RGS20: variants seen among roughly 807,000 people sequenced by gnomAD.
RGS20 encodes regulator of G protein signaling 20.
A neutral mutation model predicts 33.6 loss-of-function variants in RGS20; 30 were observed. The observed-to-expected ratio is 0.89, with a 90% CI of 0.67 to 1.21. The LOEUF (loss-of-function observed/expected upper bound fraction) is 1.21. Ranked by LOEUF, RGS20 falls within the 50% of genes most tolerant of loss-of-function variation. The pLI is 0.00. For missense variants in RGS20, 472 were observed against 502.4 expected (o/e 0.94, Z 0.58); for synonymous variants, 208 against 197.9 (o/e 1.05, Z -0.43).
chr8:53,890,873 C>G (rs1261799337), intron 2 of RGS20, among the ~76,000 whole-genome samples: 1 of 152,116 alleles, frequency 6.6e-6, no homozygotes, highest in Non-Finnish European at 1.5e-5. Context: ...TAAGATTTAG[C>G]TAATGCCCAG....
intron 2 of RGS20, among the ~76,000 whole-genome samples, chr8:53,931,087 G>C (rs954916357): frequency 5.3e-5 from 8 of 152,136 alleles, no homozygotes; most frequent in Non-Finnish European, 1.2e-4. Context: ...GTGGCTGACC[G>C]TGTGTCTCTG....
chr8:53,885,906 T>C (rs1271926053), intron 2 of RGS20, among the ~76,000 whole-genome samples: 1 of 151,486 alleles, frequency 6.6e-6, no homozygotes, highest in Non-Finnish European at 1.5e-5. Context: ...GGACAGGGCA[T>C]TAAGAAGGGA....
chr8:53,913,330 C>T (rs1813399574), intron 2 of RGS20, among the ~76,000 whole-genome samples: 1 of 152,176 alleles, frequency 6.6e-6, no homozygotes, highest in Non-Finnish European at 1.5e-5. Flanking sequence ...AATGTCCAGT[C>T]ATCTAATGCA....
chr8:53,921,434 G>A (rs1323751723), intron 2 of RGS20, among the ~76,000 whole-genome samples: 1 of 150,444 alleles, frequency 6.6e-6, no homozygotes, highest in Non-Finnish European at 1.5e-5. Flanking sequence ...GAGCTGAGCT[G>A]AGCTTTTCTT....
At chr8:53,869,089 A>G (rs1055698320) in intron 1 of RGS20, among the ~76,000 whole-genome samples, 5 of 152,184 alleles carry the variant, frequency 3.3e-5, no homozygotes, top group Non-Finnish European at 7.3e-5. Flanking sequence ...GATCCCAGAA[A>G]AACATTCTAA....
At chr8:53,942,044 C>T (rs1814312776) in intron 3 of RGS20, among the ~76,000 whole-genome samples, 1 of 152,128 alleles carries the variant, frequency 6.6e-6, no homozygotes, top group African/African-American at 2.4e-5. Context: ...GAGGCCGAGG[C>T]CGGCAGATCA....
At chr8:53,953,453 C>G (rs769275661) in intron 4 of RGS20, among the ~76,000 whole-genome samples, 1 of 151,234 alleles carries the variant, frequency 6.6e-6, no homozygotes, top group Non-Finnish European at 1.5e-5. Context: ...CCTAGTAAGT[C>G]GAGGCTTCAG....
chr8:53,851,948 T>C lies in RGS20; in HGVS notation c.49T>C (p.Ser17Pro). Reference sequence around the variant, plus strand: ...CCAAGAGTGCCTCCAGAAACATTTCTCCAGGCCGTCTATATGGACACAGTT... The same window carrying C: ...CCAAGAGTGCCTCCAGAAACATTTCCCCAGGCCGTCTATATGGACACAGTT... Residue 17 changes from serine (S) to proline (P), a missense_variant, in exon 1 of 6, where the codon TCC becomes CCC. Physicochemically the swap from Ser to Pro is moderately conservative, Grantham distance 74. This residue lies in a region of RGS20 where 28 missense variants were observed against 49.6 expected (regional missense o/e 0.57). Coordinates refer to ENST00000297313, the MANE Select transcript of RGS20 (RefSeq NM_170587.4). 6.2e-7 allele frequency: 1 copy of C among 1,614,138 alleles called. No individual in the cohort carries two copies.
chr8:53,935,321 G>A (rs1293861250), intron 2 of RGS20, among the ~76,000 whole-genome samples: 2 of 152,020 alleles, frequency 1.3e-5, no homozygotes, highest in African/African-American at 4.8e-5. Context: ...CAAGGAGCTG[G>A]TTTTTGAAAA....
intron 4 of RGS20, among the ~76,000 whole-genome samples, chr8:53,948,479 ATATGC>A (rs1347677937): frequency 7.4e-6 from 1 of 135,208 alleles, no homozygotes; most frequent in Non-Finnish European, 1.5e-5. Context: ...ATATATTTAC[ATATGC>A]TATATATGAT....
chr8:53,897,295 G>A (rs1812892270), intron 2 of RGS20, among the ~76,000 whole-genome samples: 1 of 152,214 alleles, frequency 6.6e-6, no homozygotes, highest in South Asian at 2.1e-4. Flanking sequence ...GGGCTGCCCT[G>A]GCAGACTGGA....
At chr8:53,895,970 A>C (rs1812845120) in intron 2 of RGS20, among the ~76,000 whole-genome samples, 1 of 150,280 alleles carries the variant, frequency 6.7e-6, no homozygotes, top group Non-Finnish European at 1.5e-5. Context: ...ACATTTTTTA[A>C]TTGTTGGGAG....
At chr8:53,885,804 T>TTTC (rs1395167172) in intron 2 of RGS20, among the ~76,000 whole-genome samples, 1 of 151,004 alleles carries the variant, frequency 6.6e-6, no homozygotes, top group Admixed American at 6.6e-5. Flanking sequence ...TTTTTTTTTT[T>TTTC]TTTTTTTTGA....
chr8:53,945,887 C>CA (rs35273543), intron 3 of RGS20, among the ~76,000 whole-genome samples: 35,886 of 136,190 alleles, frequency 0.26, 4,405 homozygotes, highest in Non-Finnish European at 0.29. Flanking sequence ...ACTTGGTCTC[C>CA]AAAAAAAAAA....
intron 2 of RGS20, among the ~76,000 whole-genome samples, chr8:53,926,237 G>C (rs1288855637): frequency 6.6e-6 from 1 of 152,112 alleles, no homozygotes; most frequent in East Asian, 1.9e-4. Flanking sequence ...ATGGATTTGG[G>C]ATTTGAGTCT....
intron 1 of RGS20, among the ~76,000 whole-genome samples, chr8:53,860,965 TC>T (rs1811796852): frequency 6.7e-6 from 1 of 148,294 alleles, no homozygotes; most frequent in Non-Finnish European, 1.5e-5. Context: ...AGACCCTGTC[TC>T]CAAAAAAAAA....
At chr8:53,909,772 T>TGAACCATTTCTG (rs1374620116) in intron 2 of RGS20, among the ~76,000 whole-genome samples, 2 of 152,218 alleles carry the variant, frequency 1.3e-5, no homozygotes, top group African/African-American at 4.8e-5. Context: ...TGAATAATGA[T>TGAACCATTTCTG]GAACCATTTC....
intron 5 of RGS20, among the ~76,000 whole-genome samples, chr8:53,955,946 T>A (rs920609964): frequency 2.0e-5 from 3 of 152,166 alleles, no homozygotes; most frequent in African/African-American, 7.2e-5. Context: ...CCGACAGGAA[T>A]GTCAAGTTGA....
chr8:53,866,617 G>A (rs1000994593), intron 1 of RGS20, among the ~76,000 whole-genome samples: 2 of 152,052 alleles, frequency 1.3e-5, no homozygotes, highest in South Asian at 2.1e-4. Flanking sequence ...CCTGACCTTA[G>A]GTGATCCACC....
Sources: allele counts gnomAD v4.1 joint callset (sites outside exome capture counted in the v4.1 genomes callset), GRCh38; gene constraint gnomAD v4.1.1; regional missense constraint gnomAD v4.1.1; transcripts MANE v1.5; gene names NCBI Gene and HGNC (gene_info 2026-07-23, HGNC 2026-07-21).